Variants in CNNM4 observed in about 807,000 individuals in gnomAD.
CNNM4 encodes cyclin and CBS domain divalent metal cation transport mediator 4, also known as metal transporter CNNM4.
In CNNM4, 32 loss-of-function variants were observed where a neutral mutation model predicts 53.7. The observed-to-expected ratio is 0.60, with a 90% CI of 0.45 to 0.80. The LOEUF (loss-of-function observed/expected upper bound fraction) is 0.80, where lower values mean the gene tolerates loss of function less well. Ranked by LOEUF, CNNM4 falls within the 30% of genes least tolerant of loss-of-function variation. The probability of loss-of-function intolerance (pLI) is 0.00; values close to 1 mark genes in which losing one functional copy is unlikely to be tolerated. For missense variants in CNNM4, 784 were observed against 1,022.0 expected, an observed-to-expected ratio of 0.77 and a Z score of 3.17; for synonymous variants, 410 against 440.0, an observed-to-expected ratio of 0.93 and a Z score of 0.85.
intron 1 of CNNM4, among the ~76,000 whole-genome samples, chr2:96,778,902 T>C (rs1193603334): frequency 6.6e-6 from 1 of 152,210 alleles, no homozygotes; most frequent in Non-Finnish European, 1.5e-5. Flanking sequence ...TTAATATGTA[T>C]GTGACCTTAT....
chr2:96,794,611 G>T (rs2079087540), intron 1 of CNNM4, among the ~76,000 whole-genome samples: 1 of 152,148 alleles, frequency 6.6e-6, no homozygotes, highest in Non-Finnish European at 1.5e-5. Flanking sequence ...GCTTTAGGTT[G>T]TTTCTGGTTT....
Position 96,783,994 on chromosome 2 carries a change from A to G in CNNM4, c.1403-13018A>G, listed in dbSNP as rs575918587. On this transcript the variant is annotated intron_variant, in intron 1 of 6. Transcript: ENST00000377075. The stretch of plus-strand genomic sequence containing the variant: ...AAACACCAAAGAAAATACACAGTTA[A>G]CAGTAGTTATCTTTGGAAGGCAGGA... 2.6e-5 allele frequency among the ~76,000 whole-genome samples: 4 copies of G among 152,358 alleles called. No homozygotes were observed. In the East Asian group the frequency reaches 7.7e-4, roughly 29 times the overall value.
Position 96,811,033 on chromosome 2 carries a change from C to T in CNNM4, c.*1516C>T, listed in dbSNP as rs116742732. 1,868 of 152,322 alleles carry T rather than the reference C, an allele frequency of 0.012. 44 individuals are homozygous for T. The highest frequency in any genetic ancestry group is 0.043 in the African/African-American group (1,770 of 41,534). The allele number at this position is 152,322 out of a possible 1,614,324, so 9.4% of individuals were successfully genotyped here. On this transcript the variant is annotated 3_prime_UTR_variant, in exon 7 of 7. Transcript: ENST00000377075. Reference sequence around the variant, plus strand: ...GGCAGGTGAAACTCTGCAGGCCTTCCGCCTGATTATTATTTATTCACTCCT... The same window carrying T: ...GGCAGGTGAAACTCTGCAGGCCTTCTGCCTGATTATTATTTATTCACTCCT...
In CNNM4 at chr2:96,801,134, G is replaced by A. The variant is rs1306499748; in HGVS notation, c.1948+1486G>A. On this transcript the variant is annotated intron_variant, in intron 5 of 6. Transcript: ENST00000377075. This position sits in a 1 kb window ranked among gnomAD's most constrained non-coding sequence, Gnocchi z 5.6. ...GAACTCCCTGCTCTGCTGGCTCACA[G>A]GTAACGTGGCACAGCTGAGGGTCAC... is the stretch of plus-strand genomic sequence containing the variant. The A allele has an allele frequency of 4.5e-5, 44 of 985,216 alleles. No homozygotes were observed. The highest frequency in any genetic ancestry group is 5.1e-5 in the Non-Finnish European group (42 of 829,852). 61.0% of individuals were successfully genotyped at this position (985,216 alleles called of 1,614,324 possible).
intron 1 of CNNM4, among the ~76,000 whole-genome samples, chr2:96,770,501 G>A (rs1016269665): frequency 2.0e-5 from 3 of 152,242 alleles, no homozygotes; most frequent in Non-Finnish European, 2.9e-5. Context: ...ACTCTGGTAC[G>A]TGTTGCCCTG....
At position 96,801,518 on chromosome 2, in the gene CNNM4, CACAG is replaced by C. The variant is rs2079157654; in HGVS notation, c.1948+1872_1948+1875del. Among the ~76,000 whole-genome samples, 1 of 150,686 alleles carries C rather than the reference CACAG, an allele frequency of 6.6e-6. No homozygotes were observed. The highest frequency in any genetic ancestry group is 2.0e-4 in the East Asian group (1 of 5,112). On this transcript the variant is annotated intron_variant, in intron 5 of 6. Transcript: ENST00000377075. This position sits in a 1 kb window ranked among gnomAD's most constrained non-coding sequence, Gnocchi z 5.6. ...AGACCACACACAGAGAGAGACCACA[CACAG>C]AGATAGCACACACACAGAGAGACCA...
intron 1 of CNNM4, among the ~76,000 whole-genome samples, chr2:96,777,930 G>A (rs931353868): frequency 2.6e-5 from 4 of 151,022 alleles, no homozygotes; most frequent in Non-Finnish European, 4.4e-5. Flanking sequence ...ACAGTAGTGC[G>A]ATCTTGGCTC....
intron 5 of CNNM4, among the ~76,000 whole-genome samples, chr2:96,804,691 G>A (rs1558997163): frequency 6.6e-6 from 1 of 151,706 alleles, no homozygotes; most frequent in African/African-American, 2.4e-5. Context: ...GTGAGCCACC[G>A]TGCCTGGCCA....
chr2:96,809,136 C>A, intron 6 of CNNM4, 184 bp from the exon 7 acceptor site: 1 of 1,363,728 alleles, frequency 7.3e-7, no homozygotes, highest in Non-Finnish European at 1.0e-6. Context: ...GCCACTGTGC[C>A]CAGCCCTGAG....
intron 1 of CNNM4, among the ~76,000 whole-genome samples, chr2:96,791,321 T>C (rs1456313878): frequency 2.0e-5 from 3 of 151,594 alleles, no homozygotes; most frequent in Admixed American, 6.6e-5. Flanking sequence ...GTCCATTCAA[T>C]TGGCTGATTA....
chr2:96,807,118 C>T (rs2079216638), intron 5 of CNNM4, among the ~76,000 whole-genome samples: 1 of 152,198 alleles, frequency 6.6e-6, no homozygotes. Context: ...TCAGGTGACC[C>T]TCCCACCTCA....
At chr2:96,779,622 A>C (rs2153346376) in intron 1 of CNNM4, among the ~76,000 whole-genome samples, 1 of 151,898 alleles carries the variant, frequency 6.6e-6, no homozygotes, top group East Asian at 1.9e-4. Flanking sequence ...CTTAGATTTA[A>C]TTGATCTGTT....
At chr2:96,799,471 C>T in intron 4 of CNNM4, 81 bp from the exon 5 acceptor site, 3 of 1,326,984 alleles carry the variant, frequency 2.3e-6, no homozygotes, top group Non-Finnish European at 3.2e-6. Flanking sequence ...CCCACTGTCC[C>T]TTGTTCCTCA....
At chr2:96,780,099 C>T (rs1245258671) in intron 1 of CNNM4, among the ~76,000 whole-genome samples, 1 of 152,068 alleles carries the variant, frequency 6.6e-6, no homozygotes, top group African/African-American at 2.4e-5. Flanking sequence ...CGCGCCTGGC[C>T]AGACTTGACA....
At position 96,801,676 on chromosome 2, in the gene CNNM4, A is replaced by G. The variant is rs1438657554; in HGVS notation, c.1948+2028A>G. On this transcript the variant is annotated intron_variant, in intron 5 of 6. Transcript: ENST00000377075. The surrounding 1 kb of genome is among the most constrained non-coding windows in gnomAD (Gnocchi z 5.6). Reference sequence around the variant, plus strand: ...AGAGACCACACACACACACACACAGAGACCACACGCAGAGAGACCACACAC... The same window carrying G: ...AGAGACCACACACACACACACACAGGGACCACACGCAGAGAGACCACACAC... 1.3e-5 allele frequency among the ~76,000 whole-genome samples: 2 copies of G among 149,718 alleles called. No homozygotes were observed. Among genetic ancestry groups the G allele is most frequent in the African/African-American group, 5.0e-5 (2 of 40,224 alleles).
In CNNM4 at chr2:96,800,987, C is replaced by T. The variant is rs1455686121; in HGVS notation, c.1948+1339C>T. The T allele has an allele frequency of 7.3e-6, 4 of 548,950 alleles. No homozygotes were observed. The highest frequency in any genetic ancestry group is 4.1e-5 in the African/African-American group (2 of 48,600). The allele number at this position is 548,950 out of a possible 1,614,324, so 34.0% of individuals were successfully genotyped here. The stretch of plus-strand genomic sequence containing the variant: ...ATCTCTGCCCAAAGCAGCCTGGCCC[C>T]GTCAGGTCTGCCTCTGTCCTGTGCC... On this transcript the variant is annotated intron_variant, in intron 5 of 6. Coordinates refer to ENST00000377075, the MANE Select transcript of CNNM4 (RefSeq NM_020184.4). The surrounding 1 kb of genome is among the most constrained non-coding windows in gnomAD (Gnocchi z 4.6).
At chr2:96,772,857 A>G (rs1228368703) in intron 1 of CNNM4, among the ~76,000 whole-genome samples, 3 of 132,178 alleles carry the variant, frequency 2.3e-5, no homozygotes, top group Non-Finnish European at 4.7e-5. Context: ...ATGCTCACAC[A>G]CCCACACTCA....
At chr2:96,784,337 G>A (rs1207155006) in intron 1 of CNNM4, among the ~76,000 whole-genome samples, 1 of 152,176 alleles carries the variant, frequency 6.6e-6, no homozygotes, top group African/African-American at 2.4e-5. Flanking sequence ...CAGGTAAAAT[G>A]TATACATGTT....
rs777282205 is a variant in CNNM4, at chr2:96,808,585, C to T, written c.1973C>T (p.Pro658Leu). 2.5e-6 allele frequency: 4 copies of T among 1,614,090 alleles called. No homozygotes were observed. Among genetic ancestry groups the T allele is most frequent in the Non-Finnish European group, 3.4e-6 (4 of 1,179,996 alleles). The change falls in exon 6 of 7, where the codon CCA becomes CTA. Residue 658 changes from proline (P) to leucine (L), a missense_variant. Around this residue, in one of 3 missense-constraint regions of CNNM4, gnomAD observed 307 missense variants for 376.3 expected, o/e 0.82. Coordinates refer to ENST00000377075, the MANE Select transcript of CNNM4 (RefSeq NM_020184.4). The surrounding 1 kb of genome is among the most constrained non-coding windows in gnomAD (Gnocchi z 4.9). ...GACCGTTCCCCAGCACACCCCACCC[C>T]ACTCAGCCGCTCAGCCTCCCTCAGT... Reference protein sequence around the residue: ...PSDRSPAHPTPLSRSASLSYP... With the variant: ...PSDRSPAHPTLLSRSASLSYP...
Sources: allele counts gnomAD v4.1 joint callset (sites outside exome capture counted in the v4.1 genomes callset), GRCh38; gene constraint gnomAD v4.1.1; regional missense constraint gnomAD v4.1.1; non-coding constraint Gnocchi (gnomAD v3.1); transcripts MANE v1.5; gene names NCBI Gene and HGNC (gene_info 2026-07-23, HGNC 2026-07-21).